SPHKAP: variants seen among roughly 807,000 people sequenced by gnomAD.
SPHKAP encodes the protein SPHK1 interactor, AKAP domain containing.
In SPHKAP, 67 loss-of-function variants were observed where a neutral mutation model predicts 137.5. The ratio of observed to expected loss-of-function variants is 0.49; its 90% CI spans 0.40 to 0.60. SPHKAP has a LOEUF of 0.60. Ranked by LOEUF, SPHKAP falls within the 20% of genes least tolerant of loss-of-function variation. The pLI, the probability that SPHKAP is intolerant of heterozygous loss-of-function variation, is 0.00. For synonymous variants in SPHKAP, 813 were observed against 785.3 expected, an observed-to-expected ratio of 1.04 and a Z score of -0.59; for missense variants, 2,097 against 2,069.3, an observed-to-expected ratio of 1.01 and a Z score of -0.26.
chr2:228,023,071 C>G (rs1694901134), intron 5 of SPHKAP, among the ~76,000 whole-genome samples: 1 of 152,128 alleles, frequency 6.6e-6, no homozygotes, highest in Non-Finnish European at 1.5e-5. Context: ...TAATTCTGTT[C>G]CGTTCTAGGG....
rs1692941033 is a variant in SPHKAP at position 227,979,984 on chromosome 2, G to A, written c.*1733C>T. Reference sequence around the variant, plus strand: ...ACAACAGAGATTTATTGATTAATTTGCAATGTTAGGTACAACATAGATAAC... The same window carrying A: ...ACAACAGAGATTTATTGATTAATTTACAATGTTAGGTACAACATAGATAAC... On this transcript the variant is annotated 3_prime_UTR_variant, in exon 12 of 12. Coordinates refer to ENST00000392056, the MANE Select transcript of SPHKAP (RefSeq NM_001142644.2). 1.3e-5 allele frequency: 2 copies of A among 152,564 alleles called. No individual in the cohort carries two copies. The highest frequency in any genetic ancestry group is 4.8e-5 in the African/African-American group (2 of 41,428). The allele number at this position is 152,564 out of a possible 1,614,324, so 9.5% of individuals were successfully genotyped here.
At chr2:228,026,380 A>G (rs569195612) in intron 4 of SPHKAP, among the ~76,000 whole-genome samples, 1 of 152,174 alleles carries the variant, frequency 6.6e-6, no homozygotes, top group South Asian at 2.1e-4. Flanking sequence ...GAGCCTGTAT[A>G]TATGTTAAAT....
chr2:228,073,819 G>A (rs1697084902), intron 3 of SPHKAP, among the ~76,000 whole-genome samples: 1 of 152,144 alleles, frequency 6.6e-6, no homozygotes, highest in African/African-American at 2.4e-5. Flanking sequence ...CCCTCTGCAA[G>A]TGATTTTGAT....
intron 1 of SPHKAP, among the ~76,000 whole-genome samples, chr2:228,175,833 A>G (rs1700723255): frequency 6.6e-6 from 1 of 152,206 alleles, no homozygotes; most frequent in South Asian, 2.1e-4. Flanking sequence ...TAGAAAAAAA[A>G]TAAGCCAAAA....
intron 1 of SPHKAP, among the ~76,000 whole-genome samples, chr2:228,157,600 C>T (rs546087653): frequency 6.6e-6 from 1 of 152,210 alleles, no homozygotes; most frequent in South Asian, 2.1e-4. Context: ...TTTTAATAGA[C>T]TTCTCTTTCA....
chr2:228,134,206 GAGGA>G (rs1333413739), intron 1 of SPHKAP, among the ~76,000 whole-genome samples: 1 of 140,328 alleles, frequency 7.1e-6, no homozygotes, highest in Non-Finnish European at 1.6e-5. Flanking sequence ...GGGAGGGAGC[GAGGA>G]AGGAAGGAAG....
chr2:228,106,076 G>A (rs185237586), intron 3 of SPHKAP, among the ~76,000 whole-genome samples: 5 of 152,166 alleles, frequency 3.3e-5, no homozygotes, highest in Admixed American at 6.5e-5. Context: ...AAATGAGTGC[G>A]GTTTCCCACT....
At chr2:228,053,167 T>A (rs116845021) in intron 3 of SPHKAP, among the ~76,000 whole-genome samples, 3 of 152,136 alleles carry the variant, frequency 2.0e-5, no homozygotes, top group Non-Finnish European at 4.4e-5. Flanking sequence ...CTTATCTCTC[T>A]TCCCCCTGGT....
At position 228,155,865 on chromosome 2, in the gene SPHKAP, G is replaced by A. The variant is rs1700093054; in HGVS notation, c.33-23780C>T. On this transcript the variant is annotated intron_variant, in intron 1 of 11. Coordinates refer to ENST00000392056, the MANE Select transcript of SPHKAP (RefSeq NM_001142644.2). ...ATAATAGTTGCAAACAGGCAAGAGA[G>A]CTTCTGTGTGATGCAAGCAAAGAGG... Among the ~76,000 whole-genome samples the A allele has an allele frequency of 2.6e-5, 4 of 152,190 alleles. No individual in the cohort carries two copies. The South Asian group carries it at 8.3e-4, about 31-fold the overall frequency.
At chr2:228,117,412 C>A (rs1246723659) in intron 2 of SPHKAP, among the ~76,000 whole-genome samples, 1 of 152,110 alleles carries the variant, frequency 6.6e-6, no homozygotes, top group Admixed American at 6.6e-5. Flanking sequence ...TCAGAGGAGA[C>A]TCTCCAGGCT....
At chr2:228,174,539 G>A (rs141290677) in intron 1 of SPHKAP, among the ~76,000 whole-genome samples, 2 of 152,268 alleles carry the variant, frequency 1.3e-5, no homozygotes, top group South Asian at 2.1e-4. Context: ...TTGACAAGTC[G>A]TTTAACTTTT....
intron 7 of SPHKAP, among the ~76,000 whole-genome samples, chr2:228,010,470 T>A (rs1694326864): frequency 6.6e-6 from 1 of 152,164 alleles, no homozygotes. Flanking sequence ...AGGCAGAGAT[T>A]GCAGTGAGCC....
Position 228,017,852 on chromosome 2 carries a change from C to T in SPHKAP, c.3002G>A (p.Ser1001Asn). The part of the protein sequence containing the change: ...AVRKHKPPRL[S>N]EIKRKTDEHP... ...CTCGTCCGTCTTCCTCTTGATCTCA[C>T]TGAGCCGGGGAGGCTTGTGTTTCCT... Residue 1001 changes from serine (S) to asparagine (N), a missense_variant, in exon 7 of 12, where the codon AGT becomes AAT. Transcript: ENST00000392056. 1 of 1,614,056 alleles carries T rather than the reference C, an allele frequency of 6.2e-7. No homozygotes were observed. Among genetic ancestry groups the T allele is most frequent in the Non-Finnish European group, 8.5e-7 (1 of 1,179,992 alleles).
chr2:228,067,791 A>C (rs1239217383), intron 3 of SPHKAP, among the ~76,000 whole-genome samples: 2 of 152,352 alleles, frequency 1.3e-5, no homozygotes, highest in East Asian at 3.9e-4. Context: ...AACATAAGTT[A>C]TTAAATATAC....
At chr2:228,076,280 T>C (rs537062523) in intron 3 of SPHKAP, among the ~76,000 whole-genome samples, 155 of 152,298 alleles carry the variant, frequency 1.0e-3, no homozygotes, top group Non-Finnish European at 1.9e-3. Flanking sequence ...CAGTAAATTG[T>C]TACCAGTAGA....
intron 3 of SPHKAP, among the ~76,000 whole-genome samples, chr2:228,080,770 AATAAAAT>A (rs1374057924): frequency 2.0e-3 from 151 of 75,018 alleles, no homozygotes; most frequent in African/African-American, 8.0e-3. Flanking sequence ...AATAAAATAA[AATAAAAT>A]AAAATAAAAC....
At chr2:228,158,299 ATAATTG>A (rs1219973051) in intron 1 of SPHKAP, among the ~76,000 whole-genome samples, 5 of 149,832 alleles carry the variant, frequency 3.3e-5, no homozygotes, top group Admixed American at 6.7e-5. Context: ...CATATATAAG[ATAATTG>A]TAATTGTAAT....
At chr2:227,990,826 A>G (rs954163722) in intron 11 of SPHKAP, 174 bp downstream of exon 11, 3 of 660,208 alleles carry the variant, frequency 4.5e-6, no homozygotes, top group Non-Finnish European at 7.5e-6. Flanking sequence ...AGAAACGCTA[A>G]GTATATTATA....
chr2:227,984,524 A>C (rs1033510845), intron 11 of SPHKAP, among the ~76,000 whole-genome samples: 1 of 152,114 alleles, frequency 6.6e-6, no homozygotes, highest in Non-Finnish European at 1.5e-5. Flanking sequence ...CATAAAAATA[A>C]TTTTGTGAGC....
Sources: allele counts gnomAD v4.1 joint callset (sites outside exome capture counted in the v4.1 genomes callset), GRCh38; gene constraint gnomAD v4.1.1; transcripts MANE v1.5; gene names NCBI Gene and HGNC (gene_info 2026-07-23, HGNC 2026-07-21).